ZKSCAN1: variants seen among roughly 807,000 people sequenced by gnomAD.
ZKSCAN1 encodes the protein zinc finger protein with KRAB and SCAN domains 1.
ZKSCAN1 carries 14 observed loss-of-function variants against 51.6 expected under a neutral mutation model. That is an observed-to-expected ratio of 0.27 (90% CI 0.18 to 0.42). The LOEUF is 0.42. Ranked by LOEUF, ZKSCAN1 falls within the 10% of genes least tolerant of loss-of-function variation. The pLI is 1.00. For missense variants in ZKSCAN1, 531 were observed against 710.0 expected (o/e 0.75, Z 2.86); for synonymous variants, 263 against 261.5 (o/e 1.01, Z -0.06).
Position 100,035,709 on chromosome 7 carries a change from G to A in ZKSCAN1, c.*1512G>A, listed in dbSNP as rs533893109. The A allele has an allele frequency of 8.5e-5, 29 of 340,688 alleles. No individual in the cohort carries two copies. In the South Asian group the frequency reaches 2.1e-3, roughly 25 times the overall value. The allele number at this position is 340,688 out of a possible 1,614,324, so 21.1% of individuals were successfully genotyped here. Reference sequence around the variant, plus strand: ...CTGAGATGTGGCTGGCTGTGCCATCGTCATAGTGCACAGTGACTTTTCTGT... The same window carrying A: ...CTGAGATGTGGCTGGCTGTGCCATCATCATAGTGCACAGTGACTTTTCTGT... On this transcript the variant is annotated 3_prime_UTR_variant, in exon 6 of 6. Coordinates refer to ENST00000324306, the MANE Select transcript of ZKSCAN1 (RefSeq NM_003439.4).
rs60632908 is a variant in ZKSCAN1 at position 100,021,116 on chromosome 7, CTTTTT to C, written c.-88-2285_-88-2281del. 1.9e-4 allele frequency among the ~76,000 whole-genome samples: 16 copies of C among 85,324 alleles called. No homozygotes were observed. In the East Asian group the frequency reaches 2.6e-3, roughly 14 times the overall value. The allele number at this position is 85,324 out of a possible 152,430, so 56.0% of individuals were successfully genotyped here. ...TATTTCCAAGTTTCTTTTTTTTTTC[CTTTTT>C]TTTTTTTTTTTTTTTTTGAGATGGA... On this transcript the variant is annotated intron_variant, in intron 1 of 5. Transcript: ENST00000324306.
chr7:100,042,938 C>CA (rs1316768405), downstream of ZKSCAN1, among the ~76,000 whole-genome samples: 3 of 151,728 alleles, frequency 2.0e-5, no homozygotes, highest in Admixed American at 2.0e-4. Context: ...GCTGGGACTA[C>CA]AGGCGCCCGC....
Position 100,039,750 on chromosome 7 carries a change from C to A in ZKSCAN1, c.*5553C>A. The A allele has an allele frequency of 1.2e-5, 12 of 985,366 alleles. No individual in the cohort carries two copies. The highest frequency in any genetic ancestry group is 1.4e-5 in the Non-Finnish European group (12 of 829,938). The allele number at this position is 985,366 out of a possible 1,614,324, so 61.0% of individuals were successfully genotyped here. On this transcript the variant is annotated 3_prime_UTR_variant, in exon 6 of 6. Coordinates refer to ENST00000324306, the MANE Select transcript of ZKSCAN1 (RefSeq NM_003439.4). Reference sequence around the variant, plus strand: ...ACTTCCCAGGGTGGGGGCCATATTTCTCTGTGTCCTACTCTGAGCAACTTC... The same window carrying A: ...ACTTCCCAGGGTGGGGGCCATATTTATCTGTGTCCTACTCTGAGCAACTTC...
Position 100,038,500 on chromosome 7 carries a change from CA to C in ZKSCAN1, c.*4307del, listed in dbSNP as rs1791459627. 4.1e-6 allele frequency: 4 copies of C among 985,266 alleles called. No individual in the cohort carries two copies. The South Asian group carries it at 1.9e-4, about 46-fold the overall frequency. The allele number at this position is 985,266 out of a possible 1,614,324, so 61.0% of individuals were successfully genotyped here. A position where few individuals can be genotyped will look rare whatever the true frequency, so the allele number is the denominator to read the frequency against. ...ACGTGCAGCCTTTTGAATTTTTCCTCAAAACCAAGAAGTTGACCTCTGAGCT... is the reference window on the plus strand; with the variant it reads ...ACGTGCAGCCTTTTGAATTTTTCCTCAAACCAAGAAGTTGACCTCTGAGCT... On this transcript the variant is annotated 3_prime_UTR_variant, in exon 6 of 6. Coordinates refer to ENST00000324306, the MANE Select transcript of ZKSCAN1 (RefSeq NM_003439.4).
chr7:100,023,993 G>A (rs1790705939), intron 2 of ZKSCAN1, 61 bp downstream of exon 2: 1 of 1,524,404 alleles, frequency 6.6e-7, no homozygotes, highest in Non-Finnish European at 8.8e-7. Context: ...CTGGAGCCAG[G>A]AGAAGTATTG....
rs571339358 is a variant in ZKSCAN1, at chr7:100,036,770, A to G, written c.*2573A>G. On this transcript the variant is annotated 3_prime_UTR_variant, in exon 6 of 6. Transcript: ENST00000324306. ...AAAAGTGAGGTGTGGAACTCCAGGC[A>G]ACGACCCAAGCACTTATTTTTTAAG... The G allele has an allele frequency of 1.0e-6, 1 of 984,218 alleles. No individual in the cohort carries two copies. The highest frequency in any genetic ancestry group is 4.7e-5 in the South Asian group (1 of 21,258). 61.0% of individuals were successfully genotyped at this position (984,218 alleles called of 1,614,324 possible). A position where few individuals can be genotyped will look rare whatever the true frequency, so the allele number is the denominator to read the frequency against.
Position 100,039,357 on chromosome 7 carries a change from G to A in ZKSCAN1, c.*5160G>A. 1 of 985,282 alleles carries A rather than the reference G, an allele frequency of 1.0e-6. No individual in the cohort carries two copies. The highest frequency in any genetic ancestry group is 1.2e-6 in the Non-Finnish European group (1 of 830,018). The allele number at this position is 985,282 out of a possible 1,614,324, so 61.0% of individuals were successfully genotyped here. A position where few individuals can be genotyped will look rare whatever the true frequency, so the allele number is the denominator to read the frequency against. On this transcript the variant is annotated 3_prime_UTR_variant, in exon 6 of 6. Coordinates refer to ENST00000324306, the MANE Select transcript of ZKSCAN1 (RefSeq NM_003439.4). The stretch of plus-strand genomic sequence containing the variant: ...GAAAGAAAGAAAATTGGGGATAGGA[G>A]AACAGCAAGGTGGGCATTTCCCGGA...
intron 5 of ZKSCAN1, 48 bp downstream of exon 5, chr7:100,030,423 T>C (rs1435571535): frequency 1.3e-6 from 2 of 1,582,012 alleles, no homozygotes; most frequent in East Asian, 2.3e-5. Flanking sequence ...TTTGTCTCTC[T>C]GTGTGTTAGC....
chr7:100,030,327 C>A lies in ZKSCAN1; in HGVS notation c.751C>A (p.Leu251Ile). 3.7e-6 allele frequency: 6 copies of A among 1,614,134 alleles called. No individual in the cohort carries two copies. Among genetic ancestry groups the A allele is most frequent in the Non-Finnish European group, 5.1e-6 (6 of 1,180,038 alleles). The change falls in exon 5 of 6, where the codon CTC becomes ATC. Residue 251 changes from leucine (L) to isoleucine (I), a missense_variant. Leu to Ile is a conservative substitution (Grantham distance 5). Coordinates refer to ENST00000324306, the MANE Select transcript of ZKSCAN1 (RefSeq NM_003439.4). The stretch of plus-strand genomic sequence containing the variant: ...ATGTCAGAATCTGGCTCGGAGGAAT[C>A]TCAGTAGGGACAACAGGCAGGAGAA... ...WGCQNLARRN[L>I]SRDNRQENYG...
intron 5 of ZKSCAN1, among the ~76,000 whole-genome samples, chr7:100,032,969 T>C (rs1271820189): frequency 2.1e-4 from 31 of 147,044 alleles, no homozygotes; most frequent in African/African-American, 6.6e-4. Context: ...GATCACGCCA[T>C]TGCACTCCAG....
rs1434748001 is a variant in ZKSCAN1 at position 100,036,038 on chromosome 7, C to A, written c.*1841C>A. The stretch of plus-strand genomic sequence containing the variant: ...TTCCCTTGAGAAACTTATACTAAAA[C>A]TATTACTCATCAGTCATTCACTGAT... On this transcript the variant is annotated 3_prime_UTR_variant, in exon 6 of 6. Transcript: ENST00000324306. The A allele has an allele frequency of 3.0e-6, 3 of 985,310 alleles. No individual in the cohort carries two copies. In the African/African-American group the frequency reaches 5.2e-5, roughly 17 times the overall value. The allele number at this position is 985,310 out of a possible 1,614,324, so 61.0% of individuals were successfully genotyped here. A position where few individuals can be genotyped will look rare whatever the true frequency, so the allele number is the denominator to read the frequency against.
At position 100,040,764 on chromosome 7, in the gene ZKSCAN1, A is replaced by C; in HGVS notation, c.*6567A>C. 8.1e-6 allele frequency: 8 copies of C among 985,468 alleles called. No homozygotes were observed. Among genetic ancestry groups the C allele is most frequent in the Non-Finnish European group, 9.6e-6 (8 of 829,964 alleles). The allele number at this position is 985,468 out of a possible 1,614,324, so 61.0% of individuals were successfully genotyped here. ...TGGGGTGTGCTGGGGTTGGTACCCG[A>C]GCGCCTTCCCCTCACCTCAACCAGA... On this transcript the variant is annotated 3_prime_UTR_variant, in exon 6 of 6. Transcript: ENST00000324306.
chr7:100,035,845 A>G lies in ZKSCAN1; in HGVS notation c.*1648A>G. On this transcript the variant is annotated 3_prime_UTR_variant, in exon 6 of 6. Transcript: ENST00000324306. ...CTGATGGCAGGAGACTGTTTCACAC[A>G]CAGGAGATTGTGAGCTGTGTAAGTA... The G allele has an allele frequency of 1.0e-6, 1 of 985,436 alleles. No individual in the cohort carries two copies. Among genetic ancestry groups the G allele is most frequent in the South Asian group, 4.7e-5 (1 of 21,286 alleles). The allele number at this position is 985,436 out of a possible 1,614,324, so 61.0% of individuals were successfully genotyped here.
In ZKSCAN1 at chr7:100,039,878, A is replaced by G. The variant is rs1478384634; in HGVS notation, c.*5681A>G. 3.0e-6 allele frequency: 3 copies of G among 984,618 alleles called. No homozygotes were observed. The highest frequency in any genetic ancestry group is 9.4e-5 in the South Asian group (2 of 21,282). The allele number at this position is 984,618 out of a possible 1,614,324, so 61.0% of individuals were successfully genotyped here. On this transcript the variant is annotated 3_prime_UTR_variant, in exon 6 of 6. Transcript: ENST00000324306. Reference sequence around the variant, plus strand: ...AATCAGAGAAAAAGAAAAGTCAGTGATATAAATAGATCATTTCATAGAAAT... The same window carrying G: ...AATCAGAGAAAAAGAAAAGTCAGTGGTATAAATAGATCATTTCATAGAAAT...
chr7:100,029,010 C>A (rs1002392810), intron 3 of ZKSCAN1, among the ~76,000 whole-genome samples: 3 of 151,858 alleles, frequency 2.0e-5, no homozygotes. Flanking sequence ...ACTAAAAATA[C>A]AAAATTAGCT....
At position 100,040,712 on chromosome 7, in the gene ZKSCAN1, C is replaced by G; in HGVS notation, c.*6515C>G. On this transcript the variant is annotated 3_prime_UTR_variant, in exon 6 of 6. Transcript: ENST00000324306. The stretch of plus-strand genomic sequence containing the variant: ...AGGCTGAGAAAGAGTAATTAGGAGG[C>G]CTGAGGAGGGGCCGAGGAAAGGCTG... 1 of 985,430 alleles carries G rather than the reference C, an allele frequency of 1.0e-6. No individual in the cohort carries two copies. The highest frequency in any genetic ancestry group is 1.2e-6 in the Non-Finnish European group (1 of 829,966). 61.0% of individuals were successfully genotyped at this position (985,430 alleles called of 1,614,324 possible).
chr7:100,031,895 A>ATT (rs1478767040), intron 5 of ZKSCAN1, among the ~76,000 whole-genome samples: 1 of 152,126 alleles, frequency 6.6e-6, no homozygotes, highest in Admixed American at 6.5e-5. Context: ...TGGGCAATAT[A>ATT]GCAAGACCAC....
Position 100,037,618 on chromosome 7 carries a change from T to C in ZKSCAN1, c.*3421T>C, listed in dbSNP as rs1345884006. The C allele has an allele frequency of 3.0e-6, 3 of 985,364 alleles. No individual in the cohort carries two copies. Among genetic ancestry groups the C allele is most frequent in the Non-Finnish European group, 3.6e-6 (3 of 829,948 alleles). The allele number at this position is 985,364 out of a possible 1,614,324, so 61.0% of individuals were successfully genotyped here. ...ATACTGTAAATAAACTTGATGAATA[T>C]TATATGTGAGGAAAACTTTCATGTA... On this transcript the variant is annotated 3_prime_UTR_variant, in exon 6 of 6. Coordinates refer to ENST00000324306, the MANE Select transcript of ZKSCAN1 (RefSeq NM_003439.4).
downstream of ZKSCAN1, among the ~76,000 whole-genome samples, chr7:100,043,440 C>T (rs1379433353): frequency 1.3e-5 from 2 of 152,112 alleles, no homozygotes; most frequent in African/African-American, 2.4e-5. Flanking sequence ...AGTGCAGTGG[C>T]ACGATTGTGG....
Sources: allele counts gnomAD v4.1 joint callset (sites outside exome capture counted in the v4.1 genomes callset), GRCh38; gene constraint gnomAD v4.1.1; transcripts MANE v1.5; gene names NCBI Gene and HGNC (gene_info 2026-07-23, HGNC 2026-07-21).